The following IRGM variants were observed in gnomAD, a reference collection of about 807,000 sequenced individuals.
IRGM encodes the protein immunity-related GTPase family M protein.
For missense variants in IRGM, 288 were observed against 219.9 expected, an observed-to-expected ratio of 1.31 and a Z score of -1.96; for synonymous variants, 98 against 80.6, an observed-to-expected ratio of 1.22 and a Z score of -1.16.
At chr5:150,858,223 A>T (rs1231233875) in intron 1 of IRGM, among the ~76,000 whole-genome samples, 1 of 152,048 alleles carries the variant, frequency 6.6e-6, no homozygotes, top group East Asian at 1.9e-4. Context: ...TTTGTCAAAG[A>T]TCAGATAGTT....
intron 3 of IRGM, chr5:150,896,110 C>T: frequency 6.2e-7 from 1 of 1,613,376 alleles, no homozygotes; most frequent in African/African-American, 1.3e-5. Flanking sequence ...GGTTTTTCCC[C>T]AGTATGTATT....
chr5:150,890,879 C>T (rs1312519224), intron 3 of IRGM, among the ~76,000 whole-genome samples: 1 of 152,000 alleles, frequency 6.6e-6, no homozygotes, highest in South Asian at 2.1e-4. Flanking sequence ...TTGGTAAATG[C>T]TTCACATGGA....
intron 3 of IRGM, among the ~76,000 whole-genome samples, chr5:150,892,756 C>A (rs1247544469): frequency 6.6e-6 from 1 of 151,850 alleles, no homozygotes; most frequent in Non-Finnish European, 1.5e-5. Flanking sequence ...TTTCAATCTA[C>A]AATACATTTT....
chr5:150,900,835 A>T (rs1020421613), downstream of IRGM: 3 of 152,140 alleles, frequency 2.0e-5, no homozygotes, highest in Admixed American at 1.3e-4. Context: ...TCTGAGAGGT[A>T]AATTCATAGA....
At chr5:150,850,192 ATGTC>A (rs1753954054), downstream of IRGM, among the ~76,000 whole-genome samples, 1 of 152,192 alleles carries the variant, frequency 6.6e-6, no homozygotes, top group Admixed American at 6.5e-5. Context: ...TTTTTAAAAA[ATGTC>A]TGCTTTATTG....
chr5:150,856,194 A>G (rs1276903516), intron 1 of IRGM, among the ~76,000 whole-genome samples: 2 of 152,140 alleles, frequency 1.3e-5, no homozygotes, highest in African/African-American at 4.8e-5. Flanking sequence ...GCACTTTGAG[A>G]GGCCAAGGCA....
chr5:150,879,516 C>T (rs1380526236), intron 2 of IRGM: 1 of 152,192 alleles, frequency 6.6e-6, no homozygotes, highest in African/African-American at 2.4e-5. Context: ...TCTGGCCAGG[C>T]ACTGTGCTGG....
rs1225293142 is a variant in IRGM at position 150,848,642 on chromosome 5, C to A, written c.519C>A (p.Leu173=). The change falls in exon 2 of 2, where the codon CTC becomes CTA. Residue 173 remains leucine (L), a synonymous_variant. Coordinates refer to ENST00000522154, the MANE Select transcript of IRGM (RefSeq NM_001145805.2). ...LQIRENVLEN[L]QKERVCEY is the part of the protein sequence containing the mutation. The stretch of plus-strand genomic sequence containing the variant: ...TCAGAGAAAATGTCCTGGAAAATCT[C>A]CAGAAGGAGCGGGTATGTGAATACT... 6.5e-7 allele frequency: 1 copy of A among 1,543,604 alleles called. No individual in the cohort carries two copies.
At chr5:150,890,219 C>A (rs531400858) in intron 3 of IRGM, among the ~76,000 whole-genome samples, 1 of 152,060 alleles carries the variant, frequency 6.6e-6, no homozygotes, top group South Asian at 2.1e-4. Context: ...ATGTTAATAT[C>A]TATTTCTTCT....
intron 1 of IRGM, among the ~76,000 whole-genome samples, chr5:150,873,883 A>C (rs1754326755): frequency 6.6e-6 from 1 of 152,226 alleles, no homozygotes; most frequent in Non-Finnish European, 1.5e-5. Context: ...TAGTGCCACC[A>C]TCAAAAACTT....
downstream of IRGM, among the ~76,000 whole-genome samples, chr5:150,901,830 A>G (rs1755004567): frequency 1.3e-5 from 2 of 152,174 alleles, no homozygotes; most frequent in Admixed American, 1.3e-4. Context: ...AAAATAGTAA[A>G]GGAGAATTCT....
rs530876502 is a variant in IRGM at position 150,895,419 on chromosome 5, G to A, written c.*141-5170G>A. The A allele has an allele frequency of 2.9e-4, 462 of 1,582,090 alleles. 7 individuals carry two copies. The South Asian group carries it at 4.5e-3, about 16-fold the overall frequency. ...TAATACTAAGGCTTTTCTGTGGCCA[G>A]TTCATTATGATTTTACCACTGTGTG... On this transcript the variant is annotated intron_variant and NMD_transcript_variant, in intron 3 of 3. Transcript: ENST00000520549.
chr5:150,848,259 A>T lies in IRGM; in HGVS notation c.136A>T (p.Met46Leu). 6.4e-7 allele frequency: 1 copy of T among 1,551,800 alleles called. No individual in the cohort carries two copies. Among genetic ancestry groups the T allele is most frequent in the South Asian group, 1.2e-5 (1 of 84,056 alleles). Residue 46 changes from methionine to leucine, a missense_variant, in exon 2 of 2, where the codon ATG becomes TTG. Met to Leu is a conservative substitution (Grantham distance 15, BLOSUM62 2). Transcript: ENST00000522154. ...TATGGCAGGGGACTCTGGCAATGGG[A>T]TGTCCACCTTCATCAGTGCCCTTCG... ...ITMAGDSGNGMSTFISALRNT... is the reference protein window; with the variant it reads ...ITMAGDSGNGLSTFISALRNT...
rs1311561736 is a variant in IRGM, at chr5:150,897,969, A to G, written c.*141-2620A>G. Reference sequence around the variant, plus strand: ...GTTGAGTGACTACTAAATTCTCAGCATAGAAGCAAAGAATAGGAGATTTTG... The same window carrying G: ...GTTGAGTGACTACTAAATTCTCAGCGTAGAAGCAAAGAATAGGAGATTTTG... On this transcript the variant is annotated intron_variant and NMD_transcript_variant, in intron 3 of 3. Transcript: ENST00000520549. 12 of 1,471,036 alleles carry G rather than the reference A, an allele frequency of 8.2e-6. 1 individual carries two copies. In the African/African-American group the frequency reaches 1.6e-4, roughly 19 times the overall value. The allele number at this position is 1,471,036 out of a possible 1,614,324, so 91.1% of individuals were successfully genotyped here. A position where few individuals can be genotyped will look rare whatever the true frequency, so the allele number is the denominator to read the frequency against.
chr5:150,860,026 G>A (rs911556136), intron 1 of IRGM, among the ~76,000 whole-genome samples: 2 of 152,098 alleles, frequency 1.3e-5, no homozygotes, highest in Admixed American at 6.5e-5. Context: ...GCCCAATATG[G>A]CTAAATAATG....
chr5:150,868,314 CT>C (rs995106307), intron 1 of IRGM, among the ~76,000 whole-genome samples: 5 of 152,124 alleles, frequency 3.3e-5, no homozygotes, highest in African/African-American at 1.2e-4. Context: ...GTTCTCTATT[CT>C]ATTTCATTGG....
chr5:150,857,045 A>T (rs1754068114), intron 1 of IRGM, among the ~76,000 whole-genome samples: 1 of 151,832 alleles, frequency 6.6e-6, no homozygotes, highest in Non-Finnish European at 1.5e-5. Flanking sequence ...CTCGTCATTT[A>T]GCATTAGGTA....
At chr5:150,852,499 A>G (rs1319865449), downstream of IRGM, among the ~76,000 whole-genome samples, 1 of 152,128 alleles carries the variant, frequency 6.6e-6, no homozygotes, top group East Asian at 1.9e-4. Context: ...ATTTTAGATA[A>G]TCATCTCTTA....
chr5:150,848,431 A>G lies in IRGM; in HGVS notation c.308A>G (p.Asn103Ser), dbSNP rs1336452787. ...GTGSATTTLENYLMEMQFNRY... is the reference protein window; with the variant it reads ...GTGSATTTLESYLMEMQFNRY... ...GGGTCTGCCACCACAACCCTGGAGAACTACCTGATGGAAATGCAGTTCAAC... is the reference window on the plus strand; with the variant it reads ...GGGTCTGCCACCACAACCCTGGAGAGCTACCTGATGGAAATGCAGTTCAAC... Residue 103 changes from asparagine to serine, a missense_variant, in exon 2 of 2, where the codon AAC becomes AGC. Asn to Ser is a conservative substitution (Grantham distance 46). Coordinates refer to ENST00000522154, the MANE Select transcript of IRGM (RefSeq NM_001145805.2). 10 of 1,551,858 alleles carry G rather than the reference A, an allele frequency of 6.4e-6. No homozygotes were observed. The highest frequency in any genetic ancestry group is 1.4e-5 in the African/African-American group (1 of 73,174).
Sources: allele counts gnomAD v4.1 joint callset (sites outside exome capture counted in the v4.1 genomes callset), GRCh38; gene constraint gnomAD v4.1.1; transcripts MANE v1.5; gene names NCBI Gene and HGNC (gene_info 2026-07-23, HGNC 2026-07-21).